ARHGEF7: variants seen among roughly 807,000 people sequenced by gnomAD.
ARHGEF7 encodes Rho guanine nucleotide exchange factor 7.
Under a neutral mutation model 109.8 loss-of-function variants are expected in ARHGEF7, and 33 were observed. The observed-to-expected ratio is 0.30, with a 90% CI of 0.23 to 0.40. The LOEUF (loss-of-function observed/expected upper bound fraction) is 0.40. ARHGEF7 is among the 10% of genes least tolerant of loss of function. The probability of loss-of-function intolerance (pLI) is 1.00; values close to 1 mark genes in which losing one functional copy is unlikely to be tolerated. For synonymous variants in ARHGEF7, 458 were observed against 424.6 expected (o/e 1.08, Z -0.97); for missense variants, 938 against 1,098.5 (o/e 0.85, Z 2.07).
intron 5 of ARHGEF7, among the ~76,000 whole-genome samples, chr13:111,229,314 T>C (rs1260919280): frequency 6.6e-6 from 1 of 152,204 alleles, no homozygotes; most frequent in African/African-American, 2.4e-5. Context: ...TAATCTACTT[T>C]GCGTATCTGT....
chr13:111,265,593 G>A (rs928893308), intron 8 of ARHGEF7: 9 of 456,654 alleles, frequency 2.0e-5, no homozygotes, highest in Middle Eastern at 3.2e-4. Flanking sequence ...CTGCCTGCAG[G>A]GTTGAAAGGC....
chr13:111,149,385 G>T (rs1266125454), intron 1 of ARHGEF7, among the ~76,000 whole-genome samples: 3 of 152,082 alleles, frequency 2.0e-5, no homozygotes, highest in African/African-American at 7.2e-5. Flanking sequence ...ACTCAGTTCA[G>T]AAAAAAATCA....
chr13:111,242,648 T>C (rs2087991498), intron 6 of ARHGEF7, among the ~76,000 whole-genome samples: 1 of 152,232 alleles, frequency 6.6e-6, no homozygotes, highest in Non-Finnish European at 1.5e-5. Flanking sequence ...CTTTCTTCAC[T>C]TACGTCAGGT....
intron 19 of ARHGEF7, chr13:111,295,098 ATAT>A (rs1257550708): frequency 1.0e-6 from 1 of 982,750 alleles, no homozygotes; most frequent in Non-Finnish European, 1.2e-6. Flanking sequence ...TACAGTATGC[ATAT>A]TATTGTTTGT....
intron 19 of ARHGEF7, chr13:111,293,836 A>C (rs2093360576): frequency 2.0e-6 from 2 of 985,230 alleles, no homozygotes; most frequent in Non-Finnish European, 2.4e-6. Flanking sequence ...TGCAGAGTGA[A>C]CTCTGATGCA....
intron 13 of ARHGEF7, among the ~76,000 whole-genome samples, chr13:111,279,947 GT>G (rs1237785101): frequency 6.6e-6 from 1 of 152,180 alleles, no homozygotes; most frequent in African/African-American, 2.4e-5. Flanking sequence ...ATACACGGTA[GT>G]TTTTTAAAAA....
At position 111,301,462 on chromosome 13, in the gene ARHGEF7, C is replaced by T. The variant is rs774308897; in HGVS notation, c.2412-16C>T. The T allele has an allele frequency of 3.7e-6, 6 of 1,611,066 alleles. No homozygotes were observed. The Admixed American group carries it at 8.4e-5, about 22-fold the overall frequency. ...CTCACCTTGTTCATGTGTGTGTGTT[C>T]TGTTTCCTGTTTCAGGAGTCTTGTG... is the stretch of plus-strand genomic sequence containing the variant. On this transcript the variant is annotated splice_polypyrimidine_tract_variant and intron_variant, in intron 20 of 21. Coordinates refer to ENST00000646102, the MANE Select transcript of ARHGEF7 (RefSeq NM_001354046.2).
At chr13:111,159,047 GCCT>G (rs1394270345) in intron 2 of ARHGEF7, 18 of 718,214 alleles carry the variant, frequency 2.5e-5, no homozygotes, top group Non-Finnish European at 4.4e-5. Context: ...CTCCTTCCCA[GCCT>G]CCTCAGCATC....
At chr13:111,125,404 C>CTT (rs2067493795) in intron 1 of ARHGEF7, among the ~76,000 whole-genome samples, 1 of 139,964 alleles carries the variant, frequency 7.1e-6, no homozygotes. Flanking sequence ...TTTTTAGGGG[C>CTT]TGGTGATCAT....
chr13:111,198,730 A>G (rs2080867515), intron 2 of ARHGEF7, among the ~76,000 whole-genome samples: 2 of 152,220 alleles, frequency 1.3e-5, no homozygotes, highest in Non-Finnish European at 2.9e-5. Flanking sequence ...GCAAAAGAAC[A>G]AAGCTTCCAC....
intron 6 of ARHGEF7, among the ~76,000 whole-genome samples, chr13:111,238,252 A>G (rs2087117582): frequency 6.6e-6 from 1 of 152,028 alleles, no homozygotes; most frequent in Non-Finnish European, 1.5e-5. Flanking sequence ...TTTTTGTTGA[A>G]TCGTCCATGC....
At chr13:111,287,584 C>T (rs927248095) in intron 17 of ARHGEF7, among the ~76,000 whole-genome samples, 1 of 152,154 alleles carries the variant, frequency 6.6e-6, no homozygotes, top group African/African-American at 2.4e-5. Context: ...CTGCAGAGAC[C>T]CAGTGGGGAG....
chr13:111,229,116 G>A (rs1027602468), intron 5 of ARHGEF7, among the ~76,000 whole-genome samples: 5 of 152,052 alleles, frequency 3.3e-5, no homozygotes, highest in East Asian at 1.9e-4. Flanking sequence ...GCTGTGCAGC[G>A]TTCCTGTGTG....
At chr13:111,118,236 T>C (rs1348430250) in intron 1 of ARHGEF7, among the ~76,000 whole-genome samples, 3 of 152,214 alleles carry the variant, frequency 2.0e-5, no homozygotes, top group Non-Finnish European at 4.4e-5. Context: ...TCCATTACGC[T>C]CATTTGTTCT....
intron 6 of ARHGEF7, among the ~76,000 whole-genome samples, chr13:111,240,170 C>T (rs1353478187): frequency 6.6e-6 from 1 of 152,174 alleles, no homozygotes; most frequent in Non-Finnish European, 1.5e-5. Flanking sequence ...CTCTACCTGT[C>T]GCCATGCTGC....
At chr13:111,297,156 T>G (rs190243984) in intron 19 of ARHGEF7, among the ~76,000 whole-genome samples, 183 of 152,362 alleles carry the variant, frequency 1.2e-3, no homozygotes, top group African/African-American at 4.3e-3. Flanking sequence ...AGAGAACATT[T>G]CTTTGTTGTT....
intron 19 of ARHGEF7, chr13:111,294,930 A>G (rs2093392739): frequency 1.0e-6 from 1 of 985,672 alleles, no homozygotes; most frequent in African/African-American, 1.7e-5. Context: ...TTTGCATAAA[A>G]TTGCCAAAAC....
intron 2 of ARHGEF7, chr13:111,159,186 C>T (rs1431641550): frequency 3.0e-6 from 2 of 659,872 alleles, no homozygotes; most frequent in Non-Finnish European, 5.5e-6. Flanking sequence ...TCTCCAGGTT[C>T]ATTCATTGTT....
rs192257118 is a variant in ARHGEF7 at position 111,162,287 on chromosome 13, G to A, written c.252+8296G>A. 2.6e-3 allele frequency among the ~76,000 whole-genome samples: 394 copies of A among 152,320 alleles called. 1 individual carries two copies. Among genetic ancestry groups the A allele is most frequent in the Middle Eastern group, 0.017 (5 of 294 alleles). On this transcript the variant is annotated intron_variant, in intron 2 of 21. Coordinates refer to ENST00000646102, the MANE Select transcript of ARHGEF7 (RefSeq NM_001354046.2). ...TTCCACAGTGCTTTATATTTCTGGG[G>A]AGATTGCAAACTAAAATAAATGTAA...
Sources: gnomAD v4.1 joint callset for allele counts (sites outside exome capture counted in the v4.1 genomes callset) on GRCh38, gnomAD v4.1.1 for gene constraint, MANE v1.5 for transcripts, NCBI Gene and HGNC (gene_info 2026-07-23, HGNC 2026-07-21) for gene names.